The following CASP6 variants were observed in gnomAD, a reference collection of about 807,000 sequenced individuals.
The protein encoded by CASP6 is caspase-6.
CASP6 carries 20 observed loss-of-function variants against 31.8 expected under a neutral mutation model. That is an observed-to-expected ratio of 0.63 (90% confidence interval 0.44 to 0.91). The LOEUF is 0.91. Among genes scored for constraint, CASP6 ranks in the 40% least tolerant of loss-of-function variants. The pLI is 0.00. For missense variants in CASP6, 328 were observed against 361.1 expected, an observed-to-expected ratio of 0.91 and a Z score of 0.74; for synonymous variants, 130 against 127.8, an observed-to-expected ratio of 1.02 and a Z score of -0.12.
downstream of CASP6, chr4:109,687,696 T>C (rs1221114808): frequency 6.9e-6 from 5 of 726,762 alleles, no homozygotes; most frequent in East Asian, 2.6e-5. Flanking sequence ...ATCTTTGTTA[T>C]TAAATTCTTG....
chr4:109,705,577 A>T (rs1402279405), upstream of CASP6, among the ~76,000 whole-genome samples: 1 of 152,136 alleles, frequency 6.6e-6, no homozygotes, highest in Non-Finnish European at 1.5e-5. Flanking sequence ...GAAAGGATTC[A>T]TCATTCGAGA....
At chr4:109,700,145 C>T (rs1277602084) in intron 1 of CASP6, among the ~76,000 whole-genome samples, 1 of 152,204 alleles carries the variant, frequency 6.6e-6, no homozygotes, top group Non-Finnish European at 1.5e-5. Flanking sequence ...TCATATCCCT[C>T]AGGGTGAAAA....
chr4:109,696,937 C>T lies in CASP6; in HGVS notation c.231-451G>A, dbSNP rs5030557. On this transcript the variant is annotated intron_variant, in intron 3 of 6. Transcript: ENST00000265164. ...AGTAGCTGGGACTACAGGCTCCCAC[C>T]ACCACGCCCGGCTAATTTTTTGTAT... 5.0e-4 allele frequency among the ~76,000 whole-genome samples: 76 copies of T among 152,160 alleles called. No individual in the cohort carries two copies. The East Asian group carries it at 8.5e-3, about 17-fold the overall frequency.
chr4:109,680,623 C>T, the CASP6 span, among the ~76,000 whole-genome samples: 6 of 152,172 alleles, frequency 3.9e-5, no homozygotes, highest in African/African-American at 1.4e-4. Context: ...AAGAGAACAC[C>T]TAGCTTTCAC....
intron 5 of CASP6, among the ~76,000 whole-genome samples, chr4:109,693,863 C>T (rs1433620659): frequency 1.3e-5 from 2 of 151,700 alleles, no homozygotes; most frequent in African/African-American, 4.8e-5. Context: ...CTCAGCTTCC[C>T]GAATGGCTGG....
chr4:109,677,528 C>G, the CASP6 span, among the ~76,000 whole-genome samples: 1 of 152,126 alleles, frequency 6.6e-6, no homozygotes, highest in Non-Finnish European at 1.5e-5. Flanking sequence ...AACTTGATCC[C>G]TAATGCAAAG....
Position 109,694,605 on chromosome 4 carries a change from C to T in CASP6, c.403G>A (p.Glu135Lys), listed in dbSNP as rs547937335. ...AACAAGCCAGTTAATGTCTGAATTT[C>T]GATTTTAGCATCATATGCATAAATG... ...NHIYAYDAKI[E>K]IQTLTGLFKG... Residue 135 changes from glutamate (E) to lysine (K), a missense_variant, in exon 5 of 7, where the codon GAA (glutamate) becomes AAA (lysine). Glu to Lys is a moderately conservative substitution (Grantham distance 56, BLOSUM62 1). Transcript: ENST00000265164. 8 of 1,612,330 alleles carry T rather than the reference C, an allele frequency of 5.0e-6. No homozygotes were observed. The highest frequency in any genetic ancestry group is 2.7e-5 in the African/African-American group (2 of 74,988).
At chr4:109,696,575 C>A in intron 3 of CASP6, 89 bp from the exon 4 acceptor site, 1 of 802,316 alleles carries the variant, frequency 1.2e-6, no homozygotes, top group Non-Finnish European at 2.0e-6. Context: ...CACATTTTAA[C>A]GACACATAAA....
At chr4:109,684,370 T>C, downstream of CASP6, 1 of 1,291,460 alleles carries the variant, frequency 7.7e-7, no homozygotes, top group Non-Finnish European at 1.1e-6. Context: ...CAAGAGTTCC[T>C]TTTCATCTTG....
intron 1 of CASP6, among the ~76,000 whole-genome samples, chr4:109,698,805 G>A (rs189421864): frequency 4.3e-4 from 66 of 152,344 alleles, no homozygotes; most frequent in Non-Finnish European, 1.6e-4. Context: ...TTTGGGTGGA[G>A]GAAGGGAAGG....
chr4:109,682,897 A>G, the CASP6 span: 1 of 571,150 alleles, frequency 1.8e-6, no homozygotes, highest in Non-Finnish European at 3.1e-6. Context: ...TATCTTCCTC[A>G]TTTTTCAGAT....
downstream of CASP6, among the ~76,000 whole-genome samples, chr4:109,685,874 T>G (rs1729827062): frequency 6.6e-6 from 1 of 152,222 alleles, no homozygotes; most frequent in African/African-American, 2.4e-5. Flanking sequence ...TTTTTCACAG[T>G]CTGCTTGTTA....
chr4:109,671,820 A>G, the CASP6 span, among the ~76,000 whole-genome samples: 2 of 152,142 alleles, frequency 1.3e-5, no homozygotes, highest in East Asian at 1.9e-4. Context: ...GACATGATGT[A>G]TCAGGCAATA....
downstream of CASP6, chr4:109,684,795 CTGAA>C (rs1398610367): frequency 8.8e-6 from 5 of 570,034 alleles, no homozygotes; most frequent in African/African-American, 3.8e-5. Flanking sequence ...TTTCACAAGA[CTGAA>C]TGAAGACTCA....
At chr4:109,701,573 G>GC (rs940676456) in intron 1 of CASP6, among the ~76,000 whole-genome samples, 2 of 152,010 alleles carry the variant, frequency 1.3e-5, no homozygotes, top group Non-Finnish European at 2.9e-5. Flanking sequence ...GACTAGAGGC[G>GC]CCCACCACTG....
chr4:109,682,759 G>T, the CASP6 span: 12 of 1,591,226 alleles, frequency 7.5e-6, no homozygotes, highest in South Asian at 1.1e-4. Context: ...AAGCATCACG[G>T]TTGAGTATAT....
rs61731769 is a variant in CASP6, at chr4:109,697,659, G to A, written c.193C>T (p.Arg65Trp). ...TTGTCTCTATCTGCGCAGGTGCCCC[G>A]CCTTTCTGGCAGTGTTAAGTGCCAA... The part of the protein sequence containing the change: ...FFWHLTLPER[R>W]GTCADRDNLT... Residue 65 changes from arginine to tryptophan, a missense_variant, in exon 3 of 7, where the codon CGG becomes TGG. By Grantham distance (101) the Arg-to-Trp change is moderately radical (BLOSUM62 -3). Transcript: ENST00000265164. 5.8e-5 allele frequency: 94 copies of A among 1,613,560 alleles called. No homozygotes were observed. The highest frequency in any genetic ancestry group is 4.3e-4 in the South Asian group (39 of 90,888).
At chr4:109,705,995 AAAAAAAATAT>A (rs1174798375), upstream of CASP6, among the ~76,000 whole-genome samples, 8 of 57,528 alleles carry the variant, frequency 1.4e-4, no homozygotes, top group East Asian at 1.9e-3. Context: ...AAAAAAAAAA[AAAAAAAATAT>A]ATATATATAT....
chr4:109,685,066 A>G (rs1729806479), downstream of CASP6: 1 of 461,084 alleles, frequency 2.2e-6, no homozygotes. Flanking sequence ...TGAAAGGAGC[A>G]GCAGATCTTA....
Sources: allele counts gnomAD v4.1 joint callset (sites outside exome capture counted in the v4.1 genomes callset), GRCh38; gene constraint gnomAD v4.1.1; transcripts MANE v1.5; gene names NCBI Gene and HGNC (gene_info 2026-07-23, HGNC 2026-07-21).